ZNF385D: variants seen among roughly 807,000 people sequenced by gnomAD.
ZNF385D encodes the protein zinc finger protein 385D, also known as zinc finger protein 659.
Under a neutral mutation model 35.8 loss-of-function variants are expected in ZNF385D, and 15 were observed. The ratio of observed to expected loss-of-function variants is 0.42; its 90% CI spans 0.28 to 0.64. The LOEUF (loss-of-function observed/expected upper bound fraction) is 0.64. Ranked by LOEUF, ZNF385D falls within the 30% of genes least tolerant of loss-of-function variation. The probability of loss-of-function intolerance (pLI) is 0.23; values close to 1 mark genes in which losing one functional copy is unlikely to be tolerated. For missense variants in ZNF385D, 474 were observed against 494.6 expected, an observed-to-expected ratio of 0.96 and a Z score of 0.39; for synonymous variants, 212 against 186.8, an observed-to-expected ratio of 1.13 and a Z score of -1.10.
Position 22,040,948 on chromosome 3 carries a change from T to A in ZNF385D, c.325+127869A>T, listed in dbSNP as rs539870991. Among the ~76,000 whole-genome samples the A allele has an allele frequency of 2.1e-4, 32 of 152,274 alleles. No homozygotes were observed. In the South Asian group the frequency reaches 4.8e-3, roughly 23 times the overall value. ...ATAATTTATATACCATACAATTTTCTCTTTTTTCTCAGTGTACAATTCAGT... is the reference window on the plus strand; with the variant it reads ...ATAATTTATATACCATACAATTTTCACTTTTTTCTCAGTGTACAATTCAGT... On this transcript the variant is annotated intron_variant, in intron 3 of 5. Coordinates refer to the ZNF385D transcript ENST00000494108.
chr3:22,046,109 C>T (rs933104312), intron 3 of ZNF385D, among the ~76,000 whole-genome samples: 2 of 152,052 alleles, frequency 1.3e-5, no homozygotes, highest in South Asian at 4.1e-4. Flanking sequence ...ACTGTTTCAA[C>T]CAAAATGACA....
At chr3:21,913,398 G>T (rs1427188420) in intron 3 of ZNF385D, among the ~76,000 whole-genome samples, 1 of 152,070 alleles carries the variant, frequency 6.6e-6, no homozygotes, top group African/African-American at 2.4e-5. Flanking sequence ...TCCCCAACCT[G>T]ATGTTAGATG....
chr3:21,533,209 A>G (rs978724204), intron 3 of ZNF385D, among the ~76,000 whole-genome samples: 5 of 151,804 alleles, frequency 3.3e-5, no homozygotes, highest in Non-Finnish European at 7.3e-5. Context: ...GGACTGGGAA[A>G]TAAGCACTTC....
At chr3:21,977,271 G>A (rs1703688663) in intron 3 of ZNF385D, among the ~76,000 whole-genome samples, 1 of 152,018 alleles carries the variant, frequency 6.6e-6, no homozygotes, top group Non-Finnish European at 1.5e-5. Flanking sequence ...CCATTGAACT[G>A]TACACTTATG....
chr3:21,483,892 T>C (rs1347046655), intron 4 of ZNF385D, among the ~76,000 whole-genome samples: 1 of 152,210 alleles, frequency 6.6e-6, no homozygotes, highest in Non-Finnish European at 1.5e-5. Context: ...ACCATAAGTT[T>C]TTAATTTTGA....
At chr3:21,763,112 A>T (rs866022951) in intron 3 of ZNF385D, among the ~76,000 whole-genome samples, 3 of 152,176 alleles carry the variant, frequency 2.0e-5, no homozygotes, top group Non-Finnish European at 4.4e-5. Context: ...TAACTCCCCC[A>T]AAAGCTCTTG....
intron 3 of ZNF385D, among the ~76,000 whole-genome samples, chr3:21,958,179 T>C (rs1405012556): frequency 6.6e-6 from 1 of 152,164 alleles, no homozygotes; most frequent in East Asian, 1.9e-4. Context: ...GATCATATTC[T>C]ATCGTTTCTA....
chr3:22,233,592 G>C (rs2125301768), intron 2 of ZNF385D, among the ~76,000 whole-genome samples: 2 of 152,108 alleles, frequency 1.3e-5, no homozygotes, highest in Middle Eastern at 6.8e-3. Flanking sequence ...CTTAAGAAAA[G>C]TGCCCACTCT....
At chr3:22,271,608 T>C (rs1559490995) in intron 2 of ZNF385D, among the ~76,000 whole-genome samples, 2 of 151,954 alleles carry the variant, frequency 1.3e-5, no homozygotes, top group African/African-American at 2.4e-5. Context: ...CCATGTTCTT[T>C]TGTGTTTCCT....
chr3:21,794,413 G>A (rs1003854504), intron 3 of ZNF385D, among the ~76,000 whole-genome samples: 1 of 152,042 alleles, frequency 6.6e-6, no homozygotes, highest in Admixed American at 6.5e-5. Context: ...AGAAAACACA[G>A]TGGATTAGAA....
intron 3 of ZNF385D, among the ~76,000 whole-genome samples, chr3:21,847,541 A>C (rs1008290062): frequency 1.3e-5 from 2 of 152,100 alleles, no homozygotes; most frequent in African/African-American, 4.8e-5. Context: ...ATTACTAAAA[A>C]AGAGGGGAAT....
intron 3 of ZNF385D, among the ~76,000 whole-genome samples, chr3:22,136,197 A>G (rs1704093138): frequency 6.6e-6 from 1 of 152,172 alleles, no homozygotes; most frequent in Admixed American, 6.6e-5. Flanking sequence ...CAGCCTGGGA[A>G]ACATGGTGAA....
intron 3 of ZNF385D, among the ~76,000 whole-genome samples, chr3:21,992,364 G>C (rs1329713567): frequency 2.0e-5 from 3 of 152,020 alleles, no homozygotes; most frequent in African/African-American, 7.2e-5. Flanking sequence ...CAAGATAGAA[G>C]ACATACAAAT....
At chr3:22,156,534 C>G (rs189634123) in intron 3 of ZNF385D, among the ~76,000 whole-genome samples, 50 of 152,180 alleles carry the variant, frequency 3.3e-4, no homozygotes, top group African/African-American at 1.2e-3. Context: ...CCTAAAACAT[C>G]GCTGAAAATA....
chr3:21,933,165 A>T (rs1021832788), intron 3 of ZNF385D, among the ~76,000 whole-genome samples: 1 of 152,246 alleles, frequency 6.6e-6, no homozygotes, highest in Non-Finnish European at 1.5e-5. Flanking sequence ...ATATATTTAA[A>T]GACCAATAAA....
At chr3:22,241,660 C>G (rs1442741404) in intron 2 of ZNF385D, among the ~76,000 whole-genome samples, 4 of 151,064 alleles carry the variant, frequency 2.6e-5, no homozygotes, top group Non-Finnish European at 5.9e-5. Flanking sequence ...CATCCATTTT[C>G]TTTCTTTTTT....
In ZNF385D at chr3:22,048,735, T is replaced by G. The variant is rs182678196; in HGVS notation, c.325+120082A>C. Among the ~76,000 whole-genome samples, 23 of 152,292 alleles carry G rather than the reference T, an allele frequency of 1.5e-4. 1 individual carries two copies. The highest frequency in any genetic ancestry group is 5.5e-4 in the African/African-American group (23 of 41,550). ...ATTGCTTTAACTATTCTGGGTCTTT[T>G]GTGATTCCAAGTGAATTTTAGGATT... On this transcript the variant is annotated intron_variant, in intron 3 of 5. Transcript: ENST00000494108.
At chr3:21,900,403 A>T (rs937681257) in intron 3 of ZNF385D, among the ~76,000 whole-genome samples, 9 of 152,202 alleles carry the variant, frequency 5.9e-5, no homozygotes, top group African/African-American at 1.7e-4. Context: ...TGAGAAAAAC[A>T]TTGTGACCTC....
intron 2 of ZNF385D, among the ~76,000 whole-genome samples, chr3:22,273,060 G>A (rs1043354057): frequency 6.6e-6 from 1 of 151,336 alleles, no homozygotes. Context: ...AAAAGCCAAG[G>A]AAAGAGAGAA....
Sources: allele counts gnomAD v4.1 joint callset (sites outside exome capture counted in the v4.1 genomes callset), GRCh38; gene constraint gnomAD v4.1.1; transcripts MANE v1.5; gene names NCBI Gene and HGNC (gene_info 2026-07-23, HGNC 2026-07-21).